Variants in PAPPA observed in about 807,000 individuals in gnomAD.
The protein encoded by PAPPA is pappalysin-1.
PAPPA carries 60 observed loss-of-function variants against 164.0 expected under a neutral mutation model. The observed-to-expected ratio is 0.37, with a 90% CI of 0.30 to 0.45. The LOEUF (loss-of-function observed/expected upper bound fraction) is 0.45. Among genes scored for constraint, PAPPA ranks in the 20% least tolerant of loss-of-function variants. The pLI, the probability that PAPPA is intolerant of heterozygous loss-of-function variation, is 1.00. For synonymous variants in PAPPA, 875 were observed against 814.1 expected, an observed-to-expected ratio of 1.07 and a Z score of -1.27; for missense variants, 1,782 against 2,087.3, an observed-to-expected ratio of 0.85 and a Z score of 2.85.
chr9:116,367,559 G>A, intron 18 of PAPPA, 86 bp from the exon 19 acceptor site: 1 of 957,480 alleles, frequency 1.0e-6, no homozygotes, highest in Non-Finnish European at 1.6e-6. Context: ...GGACCAGGGA[G>A]TGGGAGGGCC....
At chr9:116,356,553 A>G (rs1356628157) in intron 17 of PAPPA, among the ~76,000 whole-genome samples, 2 of 152,142 alleles carry the variant, frequency 1.3e-5, no homozygotes, top group Non-Finnish European at 2.9e-5. Flanking sequence ...AAAACTGAGA[A>G]GTTTTCTGTT....
intron 21 of PAPPA, among the ~76,000 whole-genome samples, chr9:116,383,435 C>T (rs1417356583): frequency 6.6e-6 from 1 of 152,162 alleles, no homozygotes; most frequent in East Asian, 1.9e-4. Context: ...GCCTAAAGAG[C>T]CCTCTATGAC....
At position 116,400,374 on chromosome 9, in the gene PAPPA, C is replaced by T. The variant is rs1019188893; in HGVS notation, c.*3758C>T. ...ATTGTGGTAGGTCCAGGAAATATGA[C>T]ATTTTCCCCCTTGATGTGTTATTGT... On this transcript the variant is annotated 3_prime_UTR_variant, in exon 22 of 22. Transcript: ENST00000328252. The T allele has an allele frequency of 2.0e-5, 3 of 152,008 alleles. No individual in the cohort carries two copies. The highest frequency in any genetic ancestry group is 7.3e-5 in the African/African-American group (3 of 41,370). The allele number at this position is 152,008 out of a possible 1,614,324, so 9.4% of individuals were successfully genotyped here.
intron 13 of PAPPA, 134 bp from the exon 14 acceptor site, chr9:116,344,409 C>A: frequency 2.5e-6 from 2 of 796,314 alleles, no homozygotes; most frequent in Non-Finnish European, 4.0e-6. Context: ...TTCACCCTAG[C>A]CAGCACCCCT....
chr9:116,362,343 T>C (rs1340300963), intron 17 of PAPPA, among the ~76,000 whole-genome samples: 5 of 152,158 alleles, frequency 3.3e-5, no homozygotes, highest in Admixed American at 6.5e-5. Flanking sequence ...ACTTGGGAGT[T>C]TGGCATTCTG....
chr9:116,190,134 AC>A (rs1844024225), intron 2 of PAPPA, among the ~76,000 whole-genome samples: 1 of 152,234 alleles, frequency 6.6e-6, no homozygotes, highest in Admixed American at 6.5e-5. Flanking sequence ...AATAGAGGAA[AC>A]TTAGAGAGTG....
intron 5 of PAPPA, among the ~76,000 whole-genome samples, chr9:116,220,941 C>G (rs1286397137): frequency 1.4e-5 from 2 of 146,458 alleles, no homozygotes; most frequent in African/African-American, 2.5e-5. Flanking sequence ...ATAATTTTTG[C>G]ACCAAATGTT....
chr9:116,388,054 C>G (rs930011042), intron 21 of PAPPA, among the ~76,000 whole-genome samples: 1 of 142,306 alleles, frequency 7.0e-6, no homozygotes, highest in Non-Finnish European at 1.6e-5. Context: ...TGATGACTGT[C>G]TGCTCCCTTC....
At chr9:116,299,018 A>C (rs1845545718) in intron 9 of PAPPA, among the ~76,000 whole-genome samples, 1 of 152,116 alleles carries the variant, frequency 6.6e-6, no homozygotes. Flanking sequence ...TTTGTATTCC[A>C]TTCCTCACTC....
intron 4 of PAPPA, among the ~76,000 whole-genome samples, chr9:116,216,395 C>T (rs766135619): frequency 1.8e-4 from 27 of 152,172 alleles, no homozygotes; most frequent in Admixed American, 8.5e-4. Context: ...GACATTTGTT[C>T]TTGAGAGGAA....
At chr9:116,377,510 G>A in intron 19 of PAPPA, 66 bp from the exon 20 acceptor site, 1 of 1,130,408 alleles carries the variant, frequency 8.8e-7, no homozygotes, top group Non-Finnish European at 1.3e-6. Context: ...TAAATGTAAT[G>A]CCAACACGGA....
intron 13 of PAPPA, 42 bp downstream of exon 13, chr9:116,335,116 C>A: frequency 6.7e-7 from 1 of 1,489,062 alleles, no homozygotes; most frequent in Non-Finnish European, 9.3e-7. Context: ...CACTTGTAGC[C>A]GAGTGGAGAC....
At chr9:116,387,163 T>G (rs546203500) in intron 21 of PAPPA, among the ~76,000 whole-genome samples, 2 of 152,278 alleles carry the variant, frequency 1.3e-5, no homozygotes, top group East Asian at 3.9e-4. Flanking sequence ...TGTGCTTCGC[T>G]GTGGCCTGGA....
chr9:116,347,058 G>C lies in PAPPA; in HGVS notation c.3813G>C (p.Glu1271Asp), dbSNP rs1325537581. Residue 1271 changes from glutamate (E) to aspartate (D), a missense_variant, in exon 15 of 22, where the codon GAG becomes GAC. Coordinates refer to ENST00000328252, the MANE Select transcript of PAPPA (RefSeq NM_002581.5). The surrounding 1 kb of genome is among the most constrained non-coding windows in gnomAD (Gnocchi z 4.5). Reference protein sequence around the residue: ...TGPSVTVTCTEGKWNKQVACE... With the variant: ...TGPSVTVTCTDGKWNKQVACE... Reference sequence around the variant, plus strand: ...CCAGCGTCACAGTGACCTGTACAGAGGGCAAGTGGAATAAGCAGGTGGCCT... The same window carrying C: ...CCAGCGTCACAGTGACCTGTACAGACGGCAAGTGGAATAAGCAGGTGGCCT... 6.2e-7 allele frequency: 1 copy of C among 1,614,040 alleles called. No individual in the cohort carries two copies. The highest frequency in any genetic ancestry group is 8.5e-7 in the Non-Finnish European group (1 of 1,179,966).
intron 10 of PAPPA, among the ~76,000 whole-genome samples, chr9:116,312,310 T>C (rs1369613081): frequency 6.7e-6 from 1 of 149,008 alleles, no homozygotes; most frequent in African/African-American, 2.5e-5. Context: ...TTTTTTGTTA[T>C]TGTTTTGTTT....
chr9:116,218,078 A>C (rs1194396915), intron 4 of PAPPA, among the ~76,000 whole-genome samples: 5 of 152,180 alleles, frequency 3.3e-5, no homozygotes, highest in Admixed American at 2.0e-4. Flanking sequence ...CAGGAGTTAC[A>C]TGGTGGGATC....
chr9:116,291,019 G>A (rs1845429690), intron 9 of PAPPA, among the ~76,000 whole-genome samples: 1 of 152,050 alleles, frequency 6.6e-6, no homozygotes. Context: ...CATATCTTGA[G>A]ATATCATTGA....
intron 10 of PAPPA, among the ~76,000 whole-genome samples, chr9:116,307,179 C>A (rs572548851): frequency 6.6e-6 from 1 of 152,292 alleles, no homozygotes; most frequent in African/African-American, 2.4e-5. Flanking sequence ...TGCCTCTTTT[C>A]TTTGTAATTG....
At chr9:116,262,755 A>G (rs1305216948) in intron 7 of PAPPA, among the ~76,000 whole-genome samples, 1 of 152,226 alleles carries the variant, frequency 6.6e-6, no homozygotes. Context: ...AAGTGATAGC[A>G]TAAGGCTTTC....
Sources: gnomAD v4.1 joint callset for allele counts (sites outside exome capture counted in the v4.1 genomes callset) on GRCh38, gnomAD v4.1.1 for gene constraint, Gnocchi (gnomAD v3.1) non-coding constraint, MANE v1.5 for transcripts, NCBI Gene and HGNC (gene_info 2026-07-23, HGNC 2026-07-21) for gene names.